Variants in KMT2D observed in about 807,000 individuals in gnomAD.
KMT2D encodes lysine methyltransferase 2D.
A neutral mutation model predicts 512.7 loss-of-function variants in KMT2D; 55 were observed. That is an observed-to-expected ratio of 0.11 (90% CI 0.09 to 0.13). The LOEUF (loss-of-function observed/expected upper bound fraction) is 0.13. Ranked by LOEUF, KMT2D falls within the 10% of genes least tolerant of loss-of-function variation. The pLI is 1.00. For missense variants in KMT2D, 6,061 were observed against 7,127.9 expected (o/e 0.85, Z 5.39); for synonymous variants, 2,995 against 2,904.0 (o/e 1.03, Z -1.01).
intron 35 of KMT2D, among the ~76,000 whole-genome samples, chr12:49,036,402 C>T (rs1316038635): frequency 6.6e-6 from 1 of 151,680 alleles, no homozygotes; most frequent in Non-Finnish European, 1.5e-5. Flanking sequence ...ACCTCCACCT[C>T]CTGGGTTCAA....
chr12:49,038,487 G>A lies in KMT2D; in HGVS notation c.8869C>T (p.Leu2957=), dbSNP rs775072806. 20 of 1,606,938 alleles carry A rather than the reference G, an allele frequency of 1.2e-5. No individual in the cohort carries two copies. The highest frequency in any genetic ancestry group is 5.0e-5 in the Admixed American group (3 of 59,708). Residue 2957 remains leucine (L), a synonymous_variant, in exon 35 of 55, where the codon CTG becomes TTG. Transcript: ENST00000301067. This position sits in a 1 kb window ranked among gnomAD's most constrained non-coding sequence, Gnocchi z 5.7. ...TTGACCAGCTCCAAACCAGTTGGCA[G>A]GGTAGGACCCTTGGTGTGGGGTGTT... ...HPTPHTKGPT[L]PTGLELVNRP...
rs398123762 is a variant in KMT2D at position 49,039,300 on chromosome 12, G to A, written c.8288C>T (p.Pro2763Leu). The A allele has an allele frequency of 9.3e-6, 15 of 1,613,640 alleles. No individual in the cohort carries two copies. The Admixed American group carries it at 1.2e-4, about 13-fold the overall frequency. Residue 2763 changes from proline to leucine, a missense_variant, in exon 34 of 55, where the codon CCA (proline) becomes CTA (leucine). Coordinates refer to ENST00000301067, the MANE Select transcript of KMT2D (RefSeq NM_003482.4). This position sits in a 1 kb window ranked among gnomAD's most constrained non-coding sequence, Gnocchi z 5.0. ...PSKLSGPILGPGSFPSDDRLS... is the reference protein window; with the variant it reads ...PSKLSGPILGLGSFPSDDRLS... ...TCGGTCATCGCTAGGGAAGGACCCTGGCCCCAGGATGGGGCCACTCAGCTT... is the reference window on the plus strand; with the variant it reads ...TCGGTCATCGCTAGGGAAGGACCCTAGCCCCAGGATGGGGCCACTCAGCTT...
At position 49,042,894 on chromosome 12, in the gene KMT2D, G is replaced by A. The variant is rs781169562; in HGVS notation, c.5645-16C>T. 1.9e-6 allele frequency: 3 copies of A among 1,613,426 alleles called. No individual in the cohort carries two copies. The highest frequency in any genetic ancestry group is 2.5e-6 in the Non-Finnish European group (3 of 1,179,660). On this transcript the variant is annotated splice_polypyrimidine_tract_variant and intron_variant, in intron 26 of 54. Coordinates refer to ENST00000301067, the MANE Select transcript of KMT2D (RefSeq NM_003482.4). The surrounding 1 kb of genome is among the most constrained non-coding windows in gnomAD (Gnocchi z 4.4). ...TTGGGCAGTTCTGTGGGGGAATGAA[G>A]GACACTGTTGAGGAAGACTGGGAAG...
Position 49,032,654 on chromosome 12 carries a change from T to C in KMT2D, c.12051A>G (p.Pro4017=). ...QHFSSPGALG[P]TLLLTGKEQN... Reference sequence around the variant, plus strand: ...GTTCCTTGCCCGTCAGGAGGAGGGTTGGACCCAGGGCTCCAGGGCTAGAAA... The same window carrying C: ...GTTCCTTGCCCGTCAGGAGGAGGGTCGGACCCAGGGCTCCAGGGCTAGAAA... The change falls in exon 40 of 55, where the codon CCA becomes CCG. Residue 4017 remains proline (P), a synonymous_variant. Transcript: ENST00000301067. The C allele has an allele frequency of 6.2e-7, 1 of 1,613,968 alleles. No homozygotes were observed. The highest frequency in any genetic ancestry group is 8.5e-7 in the Non-Finnish European group (1 of 1,179,882).
rs760906471 is a variant in KMT2D at position 49,051,581 on chromosome 12, G to T, written c.2102C>A (p.Pro701Gln). The T allele has an allele frequency of 1.2e-6, 2 of 1,601,392 alleles. No homozygotes were observed. The highest frequency in any genetic ancestry group is 1.1e-5 in the South Asian group (1 of 89,602). ...PPPEDSPTSP[P>Q]PEDSPASPPP... is the part of the protein sequence containing the mutation. ...TGGGGAAGCAGGTGAGTCCTCAGGT[G>T]GTGGGGATGTGGGGGAGTCCTCAGG... is the stretch of plus-strand genomic sequence containing the variant. The change falls in exon 11 of 55, where the codon CCA becomes CAA. Residue 701 changes from proline (P) to glutamine (Q), a missense_variant. Physicochemically the swap from Pro to Gln is moderately conservative, Grantham distance 76. This residue lies in a region of KMT2D where 848 missense variants were observed against 838.5 expected (regional missense o/e 1.01). Transcript: ENST00000301067.
chr12:49,032,855 CTGT>C lies in KMT2D; in HGVS notation c.11847_11849del (p.Gln3954del), dbSNP rs1943001891. 1.3e-6 allele frequency: 2 copies of C among 1,549,886 alleles called. No individual in the cohort carries two copies. Among genetic ancestry groups the C allele is most frequent in the Non-Finnish European group, 1.7e-6 (2 of 1,146,706 alleles). On this transcript the variant is annotated inframe_deletion, in exon 40 of 55. Transcript: ENST00000301067. ...GTTGCTGTTGTAGCTGCTGTTGCTGCTGTTGAAGCTGTTGCTGCTGCTGTTGTT... is the reference window on the plus strand; with the variant it reads ...GTTGCTGTTGTAGCTGCTGTTGCTGCTGAAGCTGTTGCTGCTGCTGTTGTT...
At position 49,019,402 on chromosome 12, in the gene KMT2D, C is replaced by A; in HGVS notation, c.*2378G>T. The A allele has an allele frequency of 4.6e-6, 1 of 217,196 alleles. No individual in the cohort carries two copies. Among genetic ancestry groups the A allele is most frequent in the Non-Finnish European group, 9.3e-6 (1 of 107,818 alleles). 13.5% of individuals were successfully genotyped at this position (217,196 alleles called of 1,614,324 possible). ...GGTGGGGGATTCTGATGCAATTATA[C>A]AGGCAGGGTACTTAAAAAAAAAACC... On this transcript the variant is annotated 3_prime_UTR_variant, in exon 55 of 55. Transcript: ENST00000301067.
In KMT2D at chr12:49,042,797, C is replaced by T. The variant is rs761276865; in HGVS notation, c.5726G>A (p.Cys1909Tyr). The stretch of plus-strand genomic sequence containing the variant: ...GCTGCCTTCTAGGCCAGGGGTTCCA[C>T]AACCCAGATGCTGTTCTCGTTCAGA... Reference protein sequence around the residue: ...LGSEREQHLGCGTPGLEGSRT... With the variant: ...LGSEREQHLGYGTPGLEGSRT... The change falls in exon 27 of 55, where the codon TGT becomes TAT. Residue 1909 changes from cysteine (C) to tyrosine (Y), a missense_variant. This residue lies in a region of KMT2D where 640 missense variants were observed against 814.3 expected (regional missense o/e 0.79). Transcript: ENST00000301067. This position sits in a 1 kb window ranked among gnomAD's most constrained non-coding sequence, Gnocchi z 4.4. 1.2e-6 allele frequency: 2 copies of T among 1,613,990 alleles called. No homozygotes were observed. Among genetic ancestry groups the T allele is most frequent in the Non-Finnish European group, 1.7e-6 (2 of 1,179,860 alleles).
Position 49,039,307 on chromosome 12 carries a change from G to A in KMT2D, c.8281C>T (p.Leu2761=). Residue 2761 remains leucine, a synonymous_variant, in exon 34 of 55, where the codon CTG becomes TTG. Transcript: ENST00000301067. This position sits in a 1 kb window ranked among gnomAD's most constrained non-coding sequence, Gnocchi z 5.0. ...LPPSKLSGPI[L]GPGSFPSDDR... The stretch of plus-strand genomic sequence containing the variant: ...TCGCTAGGGAAGGACCCTGGCCCCA[G>A]GATGGGGCCACTCAGCTTGCTTGGG... The A allele has an allele frequency of 6.2e-7, 1 of 1,613,728 alleles. No homozygotes were observed. The highest frequency in any genetic ancestry group is 8.5e-7 in the Non-Finnish European group (1 of 1,179,792).
intron 43 of KMT2D, 147 bp from the exon 44 acceptor site, chr12:49,029,623 TA>T (rs1942792198): frequency 1.6e-6 from 1 of 624,464 alleles, no homozygotes. Flanking sequence ...GCAAACAAGG[TA>T]TATTTATTGA....
chr12:49,047,325 A>G (rs564705634), intron 15 of KMT2D, among the ~76,000 whole-genome samples: 37 of 151,680 alleles, frequency 2.4e-4, no homozygotes, highest in African/African-American at 9.0e-4. Context: ...CCACTGCCTC[A>G]TTGTGAATAG....
Position 49,042,891 on chromosome 12 carries a change from G to A in KMT2D, c.5645-13C>T. On this transcript the variant is annotated splice_polypyrimidine_tract_variant and intron_variant, in intron 26 of 54. Coordinates refer to ENST00000301067, the MANE Select transcript of KMT2D (RefSeq NM_003482.4). This position sits in a 1 kb window ranked among gnomAD's most constrained non-coding sequence, Gnocchi z 4.4. ...ATCTTGGGCAGTTCTGTGGGGGAAT[G>A]AAGGACACTGTTGAGGAAGACTGGG... is the stretch of plus-strand genomic sequence containing the variant. 2 of 1,613,612 alleles carry A rather than the reference G, an allele frequency of 1.2e-6. No individual in the cohort carries two copies. Among genetic ancestry groups the A allele is most frequent in the African/African-American group, 1.3e-5 (1 of 75,024 alleles).
chr12:49,052,450 C>T (rs2120687732), intron 10 of KMT2D, 26 bp from the exon 11 acceptor site: 1 of 1,541,082 alleles, frequency 6.5e-7, no homozygotes, highest in Non-Finnish European at 8.8e-7. Context: ...CACGATGCTC[C>T]TATCTAGCTC....
rs368986210 is a variant in KMT2D at position 49,051,463 on chromosome 12, C to A, written c.2220G>T (p.Gly740=). ...EEPQLCPRSE[G]PHLSPRPEEP... ...CCTCAGGCCGGGGTGACAGGTGCGG[C>A]CCCTCGGACCGGGGGCAGAGTTGCG... Residue 740 remains glycine (G), a synonymous_variant, in exon 11 of 55, where the codon GGG becomes GGT. Coordinates refer to ENST00000301067, the MANE Select transcript of KMT2D (RefSeq NM_003482.4). 480 of 1,613,188 alleles carry A rather than the reference C, an allele frequency of 3.0e-4. No homozygotes were observed. The highest frequency in any genetic ancestry group is 3.8e-4 in the Non-Finnish European group (444 of 1,179,674).
chr12:49,046,598 A>C lies in KMT2D; in HGVS notation c.4418+11T>G, dbSNP rs773850025. The C allele has an allele frequency of 6.2e-7, 1 of 1,606,540 alleles. No individual in the cohort carries two copies. The highest frequency in any genetic ancestry group is 1.1e-5 in the South Asian group (1 of 90,446). ...GCCCCAGGGCTCCACTGAAGATCCC[A>C]GTCTCCTTACCACTTGCACTTCCAG... On this transcript the variant is annotated intron_variant, in intron 16 of 54. Transcript: ENST00000301067. This position sits in a 1 kb window ranked among gnomAD's most constrained non-coding sequence, Gnocchi z 4.2.
At position 49,040,081 on chromosome 12, in the gene KMT2D, G is replaced by C. The variant is rs1188528918; in HGVS notation, c.7689C>G (p.Asn2563Lys). The C allele has an allele frequency of 6.2e-7, 1 of 1,614,000 alleles. No homozygotes were observed. Among genetic ancestry groups the C allele is most frequent in the Non-Finnish European group, 8.5e-7 (1 of 1,179,870 alleles). The change falls in exon 32 of 55, where the codon AAC (asparagine) becomes AAG (lysine). Residue 2563 changes from asparagine to lysine, a missense_variant. Physicochemically the swap from Asn to Lys is moderately conservative, Grantham distance 94. Transcript: ENST00000301067. ...QPGLPPPHGI[N>K]SHFGPGPTLG... ...AGGTGGGGCCGGGCCCAAAATGGCTGTTGATCCCATGGGGTGGCGGGAGAC... is the reference window on the plus strand; with the variant it reads ...AGGTGGGGCCGGGCCCAAAATGGCTCTTGATCCCATGGGGTGGCGGGAGAC...
In KMT2D at chr12:49,039,816, T is replaced by G. The variant is rs147706410; in HGVS notation, c.7954A>C (p.Met2652Leu). ...VEKREDPGTG[M>L]GSSLATAELP... Reference sequence around the variant, plus strand: ...TCAGCTGTCGCCAAAGAGCTACCCATTCCAGTCCCTGGGTCTTCTCGCTTT... The same window carrying G: ...TCAGCTGTCGCCAAAGAGCTACCCAGTCCAGTCCCTGGGTCTTCTCGCTTT... The change falls in exon 32 of 55, where the codon ATG becomes CTG. Residue 2652 changes from methionine (M) to leucine (L), a missense_variant. Physicochemically the swap from Met to Leu is conservative, Grantham distance 15. Transcript: ENST00000301067. The surrounding 1 kb of genome is among the most constrained non-coding windows in gnomAD (Gnocchi z 5.0). 5.3e-4 allele frequency: 856 copies of G among 1,614,024 alleles called. 4 individuals carry two copies. The highest frequency in any genetic ancestry group is 6.5e-4 in the Non-Finnish European group (770 of 1,179,876).
rs371053017 is a variant in KMT2D at position 49,040,443 on chromosome 12, G to A, written c.7327C>T (p.Arg2443Cys). 1.3e-5 allele frequency: 20 copies of A among 1,559,016 alleles called. No homozygotes were observed. The highest frequency in any genetic ancestry group is 3.8e-5 in the Admixed American group (2 of 53,278). Residue 2443 changes from arginine (R) to cysteine (C), a missense_variant, in exon 32 of 55, where the codon CGC (arginine) becomes TGC (cysteine). Arg to Cys is a radical substitution (Grantham distance 180). Transcript: ENST00000301067. ...EAFCPSPVTP[R>C]FQSPDPYSRP... ...GAATAAGGGTCAGGGGACTGGAAGC[G>A]AGGGGTAACGGGTGATGGGCAAAAA... is the stretch of plus-strand genomic sequence containing the variant.
In KMT2D at chr12:49,030,957, C is replaced by G. The variant is rs917419349; in HGVS notation, c.13607G>C (p.Arg4536Pro). Reference sequence around the variant, plus strand: ...CCCGTCCTCCTTCCGCAGCTTCTTTCGGGAGCTCACCAACCTGTCGCTTGC... The same window carrying G: ...CCCGTCCTCCTTCCGCAGCTTCTTTGGGGAGCTCACCAACCTGTCGCTTGC... ...QKASDRLVSSRKKLRKEDGVR... is the reference protein window; with the variant it reads ...QKASDRLVSSPKKLRKEDGVR... Residue 4536 changes from arginine (R) to proline (P), a missense_variant, in exon 41 of 55, where the codon CGA (arginine) becomes CCA (proline). This residue lies in a region of KMT2D where 1,600 missense variants were observed against 1,754.9 expected (regional missense o/e 0.91). Coordinates refer to ENST00000301067, the MANE Select transcript of KMT2D (RefSeq NM_003482.4). The G allele has an allele frequency of 6.2e-7, 1 of 1,613,956 alleles. No individual in the cohort carries two copies. Among genetic ancestry groups the G allele is most frequent in the Non-Finnish European group, 8.5e-7 (1 of 1,179,866 alleles).
Sources: gnomAD v4.1 joint callset for allele counts (sites outside exome capture counted in the v4.1 genomes callset) on GRCh38, gnomAD v4.1.1 for gene constraint, gnomAD v4.1.1 regional missense constraint, Gnocchi (gnomAD v3.1) non-coding constraint, MANE v1.5 for transcripts, NCBI Gene and HGNC (gene_info 2026-07-23, HGNC 2026-07-21) for gene names.